EPB41L1: variants seen among roughly 807,000 people sequenced by gnomAD.
EPB41L1 encodes the protein erythrocyte membrane protein band 4.1 like 1.
In EPB41L1, 29 loss-of-function variants were observed where a neutral mutation model predicts 97.8. The ratio of observed to expected loss-of-function variants is 0.30; its 90% CI spans 0.22 to 0.40. The LOEUF is 0.40. Ranked by LOEUF, EPB41L1 falls within the 10% of genes least tolerant of loss-of-function variation. The pLI is 1.00. For missense variants in EPB41L1, 812 were observed against 1,162.3 expected (o/e 0.70, Z 4.38); for synonymous variants, 383 against 459.2 (o/e 0.83, Z 2.12).
intron 1 of EPB41L1, among the ~76,000 whole-genome samples, chr20:36,157,175 C>T (rs1323224356): frequency 1.3e-5 from 2 of 152,084 alleles, no homozygotes; most frequent in African/African-American, 4.8e-5. Context: ...AGTGAGCCGA[C>T]ATCGTGCCAC....
intron 2 of EPB41L1, among the ~76,000 whole-genome samples, chr20:36,128,551 G>A (rs965491344): frequency 6.6e-6 from 1 of 152,222 alleles, no homozygotes; most frequent in African/African-American, 2.4e-5. Flanking sequence ...TGAGCTCACT[G>A]GCAGGAAAGG....
Position 36,207,691 on chromosome 20 carries a change from G to A in EPB41L1, c.1669-1797G>A, listed in dbSNP as rs1327162034. 1 of 1,290,116 alleles carries A rather than the reference G, an allele frequency of 7.8e-7. No individual in the cohort carries two copies. Among genetic ancestry groups the A allele is most frequent in the Middle Eastern group, 2.1e-4 (1 of 4,698 alleles). The allele number at this position is 1,290,116 out of a possible 1,614,324, so 79.9% of individuals were successfully genotyped here. A position where few individuals can be genotyped will look rare whatever the true frequency, so the allele number is the denominator to read the frequency against. ...CAGACACTTCAGGGAGGACACTTCT[G>A]CATCCTACCAGGAAGCACACACGGA... On this transcript the variant is annotated intron_variant, in intron 14 of 21. Coordinates refer to ENST00000338074, the MANE Select transcript of EPB41L1 (RefSeq NM_012156.2). This position sits in a 1 kb window ranked among gnomAD's most constrained non-coding sequence, Gnocchi z 4.9.
chr20:36,206,064 G>A lies in EPB41L1; in HGVS notation c.1669-3424G>A. 7.8e-7 allele frequency: 1 copy of A among 1,289,886 alleles called. No individual in the cohort carries two copies. The highest frequency in any genetic ancestry group is 1.2e-5 in the South Asian group (1 of 81,034). The allele number at this position is 1,289,886 out of a possible 1,614,324, so 79.9% of individuals were successfully genotyped here. On this transcript the variant is annotated intron_variant, in intron 14 of 21. Coordinates refer to ENST00000338074, the MANE Select transcript of EPB41L1 (RefSeq NM_012156.2). The surrounding 1 kb of genome is among the most constrained non-coding windows in gnomAD (Gnocchi z 5.5). ...TGGGAAACAGAAGAGCAAACACCCA[G>A]CAACAAGGAAAAATGATTGCAAGTC... is the stretch of plus-strand genomic sequence containing the variant.
At chr20:36,125,631 G>A (rs1453274457) in intron 2 of EPB41L1, 4 of 1,493,206 alleles carry the variant, frequency 2.7e-6, no homozygotes, top group Middle Eastern at 2.0e-4. Flanking sequence ...AGTTTCCTGT[G>A]TGTGTTGGGG....
At chr20:36,216,718 T>G (rs2063466857) in intron 17 of EPB41L1, among the ~76,000 whole-genome samples, 5 of 152,058 alleles carry the variant, frequency 3.3e-5, no homozygotes, top group Admixed American at 3.3e-4. Flanking sequence ...ATCCCGGGGC[T>G]CTAGGGCCCA....
intron 19 of EPB41L1, 140 bp downstream of exon 19, chr20:36,219,984 G>A (rs750171283): frequency 3.8e-5 from 31 of 819,904 alleles, no homozygotes; most frequent in Middle Eastern, 2.2e-4. Flanking sequence ...AATACTGTGC[G>A]CTTTGTCCTG....
intron 14 of EPB41L1, among the ~76,000 whole-genome samples, chr20:36,200,055 G>A (rs1234738799): frequency 6.6e-6 from 1 of 152,186 alleles, no homozygotes; most frequent in Admixed American, 6.5e-5. Flanking sequence ...TCACCCTGGA[G>A]CTATGGACCA....
In EPB41L1 at chr20:36,195,465, C is replaced by G; in HGVS notation, c.1485+101C>G. ...CCCAGGCTCACTTCCCTGGCACCAT[C>G]TCAGCTTCAACTTCATCTCTGCTCC... On this transcript the variant is annotated intron_variant, in intron 13 of 21. Coordinates refer to ENST00000338074, the MANE Select transcript of EPB41L1 (RefSeq NM_012156.2). The surrounding 1 kb of genome is among the most constrained non-coding windows in gnomAD (Gnocchi z 4.6). 7.2e-7 allele frequency: 1 copy of G among 1,395,454 alleles called. No homozygotes were observed. Among genetic ancestry groups the G allele is most frequent in the Non-Finnish European group, 1.0e-6 (1 of 988,212 alleles). 86.4% of individuals were successfully genotyped at this position (1,395,454 alleles called of 1,614,324 possible).
intron 15 of EPB41L1, among the ~76,000 whole-genome samples, chr20:36,211,896 G>A (rs1218373384): frequency 1.3e-5 from 2 of 152,164 alleles, no homozygotes; most frequent in African/African-American, 2.4e-5. Context: ...GCTGAGAGGT[G>A]GTGAGCTCAC....
chr20:36,195,976 C>G lies in EPB41L1; in HGVS notation c.1485+612C>G, dbSNP rs2062182269. Among the ~76,000 whole-genome samples the G allele has an allele frequency of 6.6e-6, 1 of 152,230 alleles. No individual in the cohort carries two copies. The highest frequency in any genetic ancestry group is 2.1e-4 in the South Asian group (1 of 4,830). On this transcript the variant is annotated intron_variant, in intron 13 of 21. Coordinates refer to ENST00000338074, the MANE Select transcript of EPB41L1 (RefSeq NM_012156.2). The surrounding 1 kb of genome is among the most constrained non-coding windows in gnomAD (Gnocchi z 4.6). Reference sequence around the variant, plus strand: ...TGCTCCGCTATGGCAAAAACCTCCTCCTTTTCTCCTCCTTTCCTCGTCTTC... The same window carrying G: ...TGCTCCGCTATGGCAAAAACCTCCTGCTTTTCTCCTCCTTTCCTCGTCTTC...
intron 1 of EPB41L1, among the ~76,000 whole-genome samples, chr20:36,158,482 T>C (rs2060403008): frequency 6.6e-6 from 1 of 152,126 alleles, no homozygotes; most frequent in South Asian, 2.1e-4. Flanking sequence ...CTTCCCCAGG[T>C]CAGAGGGGAA....
intron 1 of EPB41L1, among the ~76,000 whole-genome samples, chr20:36,096,302 A>G (rs1205519095): frequency 6.6e-6 from 1 of 152,140 alleles, no homozygotes; most frequent in Non-Finnish European, 1.5e-5. Context: ...AGGTCTTATG[A>G]TCTTGGACAA....
chr20:36,166,298 G>A (rs1450932511), intron 1 of EPB41L1, among the ~76,000 whole-genome samples: 2 of 152,174 alleles, frequency 1.3e-5, no homozygotes, highest in Non-Finnish European at 2.9e-5. Context: ...TAACTTTTCT[G>A]CTTCAGTTTC....
At chr20:36,137,060 C>CCTTTT (rs1295863728) in intron 2 of EPB41L1, among the ~76,000 whole-genome samples, 4 of 149,660 alleles carry the variant, frequency 2.7e-5, no homozygotes, top group African/African-American at 9.8e-5. Context: ...TTCTTTTTTT[C>CCTTTT]CTTTTCTTTC....
intron 2 of EPB41L1, among the ~76,000 whole-genome samples, chr20:36,134,729 A>T (rs1386454059): frequency 6.6e-6 from 1 of 151,898 alleles, no homozygotes. Context: ...TCTGTCATCT[A>T]CCTTGCTCCA....
At chr20:36,175,967 C>G (rs1322925747) in intron 3 of EPB41L1, among the ~76,000 whole-genome samples, 1 of 152,210 alleles carries the variant, frequency 6.6e-6, no homozygotes, top group African/African-American at 2.4e-5. Flanking sequence ...TGCAGGGTGA[C>G]TATACCTTGG....
chr20:36,209,628 C>G lies in EPB41L1; in HGVS notation c.1809C>G (p.Arg603=), dbSNP rs747924749. Residue 603 remains arginine (R), a synonymous_variant, in exon 15 of 22, where the codon CGC becomes CGG. Coordinates refer to ENST00000338074, the MANE Select transcript of EPB41L1 (RefSeq NM_012156.2). The surrounding 1 kb of genome is among the most constrained non-coding windows in gnomAD (Gnocchi z 4.2). ...AGGACAACCACCTGGCCATTGAGCG[C>G]AAGTGCTCCAGCATCACGGTCAGCT... ...FLKDNHLAIE[R]KCSSITVSST... The G allele has an allele frequency of 8.7e-6, 14 of 1,614,156 alleles. No homozygotes were observed. In the East Asian group the frequency reaches 2.5e-4, roughly 28 times the overall value.
intron 2 of EPB41L1, among the ~76,000 whole-genome samples, chr20:36,146,099 C>G (rs2145380954): frequency 6.6e-6 from 1 of 152,318 alleles, no homozygotes; most frequent in South Asian, 2.1e-4. Flanking sequence ...TCTGAACTCC[C>G]CAACACTCTG....
In EPB41L1 at chr20:36,195,129, G is replaced by A. The variant is rs1481006908; in HGVS notation, c.1450-200G>A. 1.3e-5 allele frequency among the ~76,000 whole-genome samples: 2 copies of A among 152,066 alleles called. No homozygotes were observed. The highest frequency in any genetic ancestry group is 2.9e-5 in the Non-Finnish European group (2 of 68,006). On this transcript the variant is annotated intron_variant, in intron 12 of 21. Transcript: ENST00000338074. This position sits in a 1 kb window ranked among gnomAD's most constrained non-coding sequence, Gnocchi z 4.6. Reference sequence around the variant, plus strand: ...TCTAGTTCCCTTCTCTGCCTTCCTGGGACAGCACCCTGCTTCACACCTGTA... The same window carrying A: ...TCTAGTTCCCTTCTCTGCCTTCCTGAGACAGCACCCTGCTTCACACCTGTA...
Sources: allele counts gnomAD v4.1 joint callset (sites outside exome capture counted in the v4.1 genomes callset), GRCh38; gene constraint gnomAD v4.1.1; non-coding constraint Gnocchi (gnomAD v3.1); transcripts MANE v1.5; gene names NCBI Gene and HGNC (gene_info 2026-07-23, HGNC 2026-07-21).